TMTC1: variants seen among roughly 807,000 people sequenced by gnomAD.
TMTC1 encodes the protein protein O-mannosyl-transferase TMTC1.
TMTC1 carries 73 observed loss-of-function variants against 104.8 expected under a neutral mutation model. That is an observed-to-expected ratio of 0.70 (90% CI 0.58 to 0.85). The LOEUF (loss-of-function observed/expected upper bound fraction) is 0.85. Ranked by LOEUF, TMTC1 falls within the 40% of genes least tolerant of loss-of-function variation. The pLI is 0.00. For synonymous variants in TMTC1, 434 were observed against 428.7 expected (o/e 1.01, Z -0.15); for missense variants, 1,035 against 1,096.1 (o/e 0.94, Z 0.79).
At chr12:29,665,181 T>A (rs1423802259) in intron 5 of TMTC1, among the ~76,000 whole-genome samples, 1 of 152,224 alleles carries the variant, frequency 6.6e-6, no homozygotes, top group Non-Finnish European at 1.5e-5. Context: ...GTCAAGGGAT[T>A]CGTGAAAAGT....
chr12:29,762,557 T>A (rs1276424047), intron 2 of TMTC1, among the ~76,000 whole-genome samples: 1 of 152,238 alleles, frequency 6.6e-6, no homozygotes, highest in Non-Finnish European at 1.5e-5. Context: ...CATAACTCAA[T>A]TATACACACA....
intron 5 of TMTC1, among the ~76,000 whole-genome samples, chr12:29,634,645 T>C (rs1004423871): frequency 2.0e-5 from 3 of 152,170 alleles, no homozygotes; most frequent in South Asian, 4.1e-4. Flanking sequence ...ACAGAAGAAT[T>C]AGATGAATTC....
intron 5 of TMTC1, among the ~76,000 whole-genome samples, chr12:29,747,024 G>T (rs988909475): frequency 1.2e-4 from 19 of 152,166 alleles, no homozygotes; most frequent in African/African-American, 4.6e-4. Flanking sequence ...GGTAGCAGAG[G>T]AAAGAGGAAA....
chr12:29,660,775 A>AAT (rs1555183625), intron 5 of TMTC1: 134 of 812,170 alleles, frequency 1.6e-4, no homozygotes, highest in Middle Eastern at 4.3e-4. Context: ...ATATTTCAAA[A>AAT]GTATATATAT....
At chr12:29,638,366 C>A (rs902152724) in intron 5 of TMTC1, among the ~76,000 whole-genome samples, 2 of 151,986 alleles carry the variant, frequency 1.3e-5, no homozygotes, top group Admixed American at 1.3e-4. Context: ...TGAGGGTGAT[C>A]GGCTGGACTC....
chr12:29,658,094 A>AAAAAAC (rs1295930878), intron 5 of TMTC1, among the ~76,000 whole-genome samples: 2 of 152,156 alleles, frequency 1.3e-5, no homozygotes, highest in South Asian at 2.1e-4. Context: ...CTCCATGTCA[A>AAAAAAC]AAAAACAAAA....
chr12:29,551,305 T>A (rs939951622), intron 10 of TMTC1, among the ~76,000 whole-genome samples: 1 of 152,242 alleles, frequency 6.6e-6, no homozygotes, highest in Admixed American at 6.5e-5. Context: ...AAAGTTTGTG[T>A]GGCTAGTGCC....
chr12:29,642,895 A>G (rs1938922978), intron 5 of TMTC1, among the ~76,000 whole-genome samples: 1 of 151,932 alleles, frequency 6.6e-6, no homozygotes, highest in African/African-American at 2.4e-5. Context: ...ACTGCACTCC[A>G]GCCTGGGTGA....
intron 10 of TMTC1, among the ~76,000 whole-genome samples, chr12:29,550,279 C>T (rs299471): frequency 0.55 from 83,132 of 151,946 alleles, 25,601 homozygotes; most frequent in Non-Finnish European, 0.68. Context: ...GTTGATGTCA[C>T]GTGCATTACT....
chr12:29,643,793 A>ATATACATATTTATATATT lies in TMTC1; in HGVS notation c.939-10475_939-10458dup, dbSNP rs1939075186. Among the ~76,000 whole-genome samples the ATATACATATTTATATATT allele has an allele frequency of 6.1e-5, 3 of 49,042 alleles. 1 individual carries two copies. The highest frequency in any genetic ancestry group is 1.2e-4 in the Non-Finnish European group (3 of 25,792). 32.2% of individuals were successfully genotyped at this position (49,042 alleles called of 152,430 possible). ...TATATTTATATATTTATATATATTT[A>ATATACATATTTATATATT]TATACATATTTATATATTTATATAT... is the stretch of plus-strand genomic sequence containing the variant. On this transcript the variant is annotated intron_variant, in intron 5 of 17. Coordinates refer to ENST00000539277, the MANE Select transcript of TMTC1 (RefSeq NM_001193451.2).
chr12:29,706,593 A>G (rs1455214854), intron 5 of TMTC1, among the ~76,000 whole-genome samples: 2 of 152,178 alleles, frequency 1.3e-5, no homozygotes, highest in African/African-American at 4.8e-5. Flanking sequence ...CCAGGTGATT[A>G]TGGAACTATT....
intron 6 of TMTC1, among the ~76,000 whole-genome samples, chr12:29,607,808 G>A (rs1008510029): frequency 7.9e-5 from 12 of 152,138 alleles, no homozygotes; most frequent in African/African-American, 1.7e-4. Context: ...ATGCCTGAGC[G>A]TTGAATGTAG....
chr12:29,725,195 G>T (rs1425047185), intron 5 of TMTC1, among the ~76,000 whole-genome samples: 1 of 143,854 alleles, frequency 7.0e-6, no homozygotes, highest in Non-Finnish European at 1.5e-5. Flanking sequence ...TTTTTGTTTT[G>T]TTTTTTTTTT....
At chr12:29,608,935 C>T (rs191664256) in intron 6 of TMTC1, among the ~76,000 whole-genome samples, 2 of 152,252 alleles carry the variant, frequency 1.3e-5, no homozygotes, top group East Asian at 3.9e-4. Flanking sequence ...GTGCAATTCA[C>T]AGGCAAAGAC....
intron 7 of TMTC1, among the ~76,000 whole-genome samples, chr12:29,586,995 G>A (rs932432614): frequency 4.0e-5 from 6 of 151,334 alleles, no homozygotes; most frequent in Non-Finnish European, 5.9e-5. Context: ...GATTGGAATA[G>A]TTTCAGAAGG....
intron 8 of TMTC1, among the ~76,000 whole-genome samples, chr12:29,582,639 C>T (rs1475777637): frequency 6.6e-6 from 1 of 152,200 alleles, no homozygotes; most frequent in Non-Finnish European, 1.5e-5. Context: ...CTAGCCTCTT[C>T]CAACAGTTTC....
chr12:29,593,022 G>A (rs529461558), intron 7 of TMTC1, among the ~76,000 whole-genome samples: 15 of 152,272 alleles, frequency 9.9e-5, no homozygotes, highest in African/African-American at 3.6e-4. Flanking sequence ...ATGTTTGGAG[G>A]TTCACAATGA....
intron 5 of TMTC1, among the ~76,000 whole-genome samples, chr12:29,706,013 AT>A (rs759251733): frequency 1.7e-4 from 26 of 152,258 alleles, no homozygotes; most frequent in Non-Finnish European, 2.9e-4. Context: ...TTTCTCTCTT[AT>A]CCCATCTTCA....
intron 7 of TMTC1, among the ~76,000 whole-genome samples, chr12:29,597,015 A>T (rs1256054965): frequency 6.6e-6 from 1 of 152,090 alleles, no homozygotes; most frequent in African/African-American, 2.4e-5. Context: ...GTCTCGCTTC[A>T]TGACTTTCTG....
Sources: gnomAD v4.1 joint callset for allele counts (sites outside exome capture counted in the v4.1 genomes callset) on GRCh38, gnomAD v4.1.1 for gene constraint, MANE v1.5 for transcripts, NCBI Gene and HGNC (gene_info 2026-07-23, HGNC 2026-07-21) for gene names.